Variants in PTPRD observed in about 807,000 individuals in gnomAD.
The protein encoded by PTPRD is protein tyrosine phosphatase receptor type D, also known as receptor-type tyrosine-protein phosphatase delta.
Under a neutral mutation model 214.5 loss-of-function variants are expected in PTPRD, and 34 were observed. The ratio of observed to expected loss-of-function variants is 0.16; its 90% CI spans 0.12 to 0.21. PTPRD has a LOEUF of 0.21. Ranked by LOEUF, PTPRD falls within the 10% of genes least tolerant of loss-of-function variation. PTPRD has a pLI of 1.00. For missense variants in PTPRD, 2,545 were observed against 2,398.7 expected (o/e 1.06, Z -1.27); for synonymous variants, 1,128 against 845.7 (o/e 1.33, Z -5.79).
chr9:8,616,232 A>G (rs780172184), intron 14 of PTPRD, among the ~76,000 whole-genome samples: 5 of 152,116 alleles, frequency 3.3e-5, no homozygotes, highest in Non-Finnish European at 5.9e-5. Context: ...CAACGGGCCA[A>G]TGAACTTATC....
At chr9:10,494,237 A>C (rs1183556375) in intron 2 of PTPRD, among the ~76,000 whole-genome samples, 1 of 151,922 alleles carries the variant, frequency 6.6e-6, no homozygotes, top group African/African-American at 2.4e-5. Context: ...GGTAAAATTT[A>C]ATTCTTTCTT....
At position 10,377,815 on chromosome 9, in the gene PTPRD, G is replaced by A. The variant is rs2097759188; in HGVS notation, c.-599-36798C>T. On this transcript the variant is annotated intron_variant, in intron 2 of 45. Transcript: ENST00000381196. Reference sequence around the variant, plus strand: ...TTTCTTTATCCATTCATCTACTGATGGGCACTTAGGTTGTTTTCAATTTTG... The same window carrying A: ...TTTCTTTATCCATTCATCTACTGATAGGCACTTAGGTTGTTTTCAATTTTG... Among the ~76,000 whole-genome samples the A allele has an allele frequency of 2.6e-5, 4 of 151,960 alleles. No homozygotes were observed. In the South Asian group the frequency reaches 8.3e-4, roughly 32 times the overall value.
rs189383294 is a variant in PTPRD at position 9,228,878 on chromosome 9, C to A, written c.-202-45515G>T. Among the ~76,000 whole-genome samples the A allele has an allele frequency of 3.3e-5, 5 of 152,158 alleles. No individual in the cohort carries two copies. The East Asian group carries it at 9.7e-4, about 29-fold the overall frequency. ...AAAAGGCAGAATTCTAATAAGCAGG[C>A]TCCACAAACAGTACTTAAAAAGTAT... is the stretch of plus-strand genomic sequence containing the variant. On this transcript the variant is annotated intron_variant, in intron 9 of 45. Transcript: ENST00000381196.
At chr9:10,598,145 T>G (rs2077036587) in intron 2 of PTPRD, among the ~76,000 whole-genome samples, 1 of 131,770 alleles carries the variant, frequency 7.6e-6, no homozygotes, top group South Asian at 2.6e-4. Context: ...AGATAAAACA[T>G]GAAGAGATGT....
chr9:8,425,205 T>C (rs1471379052), intron 35 of PTPRD, among the ~76,000 whole-genome samples: 1 of 152,212 alleles, frequency 6.6e-6, no homozygotes, highest in African/African-American at 2.4e-5. Context: ...GCAGCCTTGT[T>C]CCAATCTCTT....
At chr9:10,161,062 T>C (rs149293561) in intron 3 of PTPRD, among the ~76,000 whole-genome samples, 2 of 151,870 alleles carry the variant, frequency 1.3e-5, no homozygotes, top group African/African-American at 4.8e-5. Flanking sequence ...ATGAAAGAAA[T>C]TGAAGAGAAC....
rs1046273129 is a variant in PTPRD, at chr9:8,575,419, C to T, written c.353-46640G>A. 5.9e-5 allele frequency among the ~76,000 whole-genome samples: 9 copies of T among 152,170 alleles called. No individual in the cohort carries two copies. The East Asian group carries it at 7.7e-4, about 13-fold the overall frequency. Reference sequence around the variant, plus strand: ...ATCAAATGCATTAAATAGCCCTGTACGGAGTGGCCAATGTACTAATTCATA... The same window carrying T: ...ATCAAATGCATTAAATAGCCCTGTATGGAGTGGCCAATGTACTAATTCATA... On this transcript the variant is annotated intron_variant, in intron 14 of 45. Coordinates refer to ENST00000381196, the MANE Select transcript of PTPRD (RefSeq NM_002839.4).
At chr9:9,559,677 C>T (rs778296064) in intron 8 of PTPRD, among the ~76,000 whole-genome samples, 15 of 152,320 alleles carry the variant, frequency 9.8e-5, no homozygotes, top group Non-Finnish European at 1.3e-4. Flanking sequence ...AGCAACACTG[C>T]GAAAGTCCAC....
intron 5 of PTPRD, among the ~76,000 whole-genome samples, chr9:9,789,662 T>C (rs1174096714): frequency 6.6e-6 from 1 of 151,104 alleles, no homozygotes; most frequent in Non-Finnish European, 1.5e-5. Flanking sequence ...CTGGGCGTGG[T>C]GGTGGGCGCC....
intron 2 of PTPRD, among the ~76,000 whole-genome samples, chr9:10,497,567 T>A (rs2042436790): frequency 6.6e-6 from 1 of 152,052 alleles, no homozygotes; most frequent in African/African-American, 2.4e-5. Flanking sequence ...AGTCTATAAT[T>A]GAAGTTAGTT....
chr9:8,815,049 G>A (rs1302270620), intron 11 of PTPRD, among the ~76,000 whole-genome samples: 2 of 151,516 alleles, frequency 1.3e-5, no homozygotes, highest in Non-Finnish European at 2.9e-5. Context: ...TCCAATTCTG[G>A]CAGTGGACAA....
At chr9:10,231,717 T>C (rs2099610614) in intron 3 of PTPRD, among the ~76,000 whole-genome samples, 1 of 151,988 alleles carries the variant, frequency 6.6e-6, no homozygotes, top group African/African-American at 2.4e-5. Context: ...ATTAACTTTG[T>C]GATAATTTGA....
chr9:9,030,339 A>G (rs1001653775), intron 10 of PTPRD, among the ~76,000 whole-genome samples: 10 of 121,154 alleles, frequency 8.3e-5, no homozygotes, highest in African/African-American at 3.3e-4. Context: ...CTCATTCACT[A>G]GTAAGTATAC....
intron 2 of PTPRD, among the ~76,000 whole-genome samples, chr9:10,534,881 G>T (rs1440506756): frequency 6.6e-6 from 1 of 152,180 alleles, no homozygotes; most frequent in African/African-American, 2.4e-5. Flanking sequence ...GCACAAAACT[G>T]GTGTCTGGTC....
chr9:8,933,235 C>T (rs1262658145), intron 11 of PTPRD, among the ~76,000 whole-genome samples: 1 of 149,374 alleles, frequency 6.7e-6, no homozygotes, highest in Non-Finnish European at 1.5e-5. Context: ...GAGCAGGGTA[C>T]ATCAGTTGGA....
chr9:9,198,007 A>G (rs1378897282), intron 9 of PTPRD, among the ~76,000 whole-genome samples: 1 of 152,192 alleles, frequency 6.6e-6, no homozygotes, highest in African/African-American at 2.4e-5. Context: ...TAATAATTTC[A>G]AATAAGTGTT....
At chr9:10,188,976 A>G (rs569565631) in intron 3 of PTPRD, among the ~76,000 whole-genome samples, 1 of 152,162 alleles carries the variant, frequency 6.6e-6, no homozygotes, top group Non-Finnish European at 1.5e-5. Flanking sequence ...AACTGTGGCT[A>G]GGTAGTCTTA....
intron 3 of PTPRD, among the ~76,000 whole-genome samples, chr9:10,105,239 T>C (rs777465706): frequency 2.9e-4 from 44 of 151,938 alleles, no homozygotes; most frequent in Admixed American, 1.3e-3. Context: ...GGATTAAAAT[T>C]AGTCAACGGC....
chr9:9,467,360 G>A (rs906468682), intron 8 of PTPRD, among the ~76,000 whole-genome samples: 1 of 150,540 alleles, frequency 6.6e-6, no homozygotes, highest in African/African-American at 2.4e-5. Context: ...GGCCAAGGCT[G>A]ATGGATCGTC....
Sources: gnomAD v4.1 joint callset for allele counts (sites outside exome capture counted in the v4.1 genomes callset) on GRCh38, gnomAD v4.1.1 for gene constraint, MANE v1.5 for transcripts, NCBI Gene and HGNC (gene_info 2026-07-23, HGNC 2026-07-21) for gene names.